Variants in UNC79 observed in about 807,000 individuals in gnomAD.
The protein encoded by UNC79 is unc-79 subunit of NALCN channel complex.
In UNC79, 37 loss-of-function variants were observed where a neutral mutation model predicts 283.1. The observed-to-expected ratio is 0.13, with a 90% CI of 0.10 to 0.17. The LOEUF (loss-of-function observed/expected upper bound fraction) is 0.17, where lower values mean the gene tolerates loss of function less well. UNC79 is among the 10% of genes least tolerant of loss of function. The pLI, the probability that UNC79 is intolerant of heterozygous loss-of-function variation, is 1.00. For synonymous variants in UNC79, 1,107 were observed against 1,200.2 expected, an observed-to-expected ratio of 0.92 and a Z score of 1.61; for missense variants, 2,272 against 3,211.1, an observed-to-expected ratio of 0.71 and a Z score of 7.07.
intron 1 of UNC79, among the ~76,000 whole-genome samples, chr14:93,444,448 A>AT (rs931889344): frequency 6.6e-6 from 1 of 151,738 alleles, no homozygotes; most frequent in African/African-American, 2.4e-5. Context: ...CCCATTTTCA[A>AT]TTTTTTTTCT....
At chr14:93,662,036 A>G (rs1191620254) in intron 39 of UNC79, among the ~76,000 whole-genome samples, 2 of 152,236 alleles carry the variant, frequency 1.3e-5, no homozygotes, top group Non-Finnish European at 2.9e-5. Flanking sequence ...AAATGACTTA[A>G]GAAAGCATAT....
At chr14:93,695,422 G>A (rs2075021202) in intron 47 of UNC79, among the ~76,000 whole-genome samples, 1 of 152,170 alleles carries the variant, frequency 6.6e-6, no homozygotes, top group Non-Finnish European at 1.5e-5. Context: ...GGTTCAAATG[G>A]GTTAGATATA....
intron 8 of UNC79, among the ~76,000 whole-genome samples, chr14:93,525,206 A>G (rs1044750542): frequency 6.6e-6 from 1 of 152,172 alleles, no homozygotes; most frequent in Non-Finnish European, 1.5e-5. Context: ...GCACTTTCAG[A>G]GGCCGAGGCG....
chr14:93,456,519 G>C lies in UNC79; in HGVS notation c.23-11152G>C, dbSNP rs1221386518. ...TGTGGCTCTAATCCAACAGAGGAAG[G>C]GAATCTGACTCATTCTGAATAGAAT... On this transcript the variant is annotated intron_variant, in intron 1 of 48. Coordinates refer to ENST00000555664, the Ensembl canonical transcript of UNC79. 1.1e-4 allele frequency among the ~76,000 whole-genome samples: 16 copies of C among 152,058 alleles called. 1 individual carries two copies. The highest frequency in any genetic ancestry group is 1.8e-4 in the Non-Finnish European group (12 of 68,010).
At chr14:93,634,433 G>GCT in intron 31 of UNC79, 88 bp from the exon 34 acceptor site, 1 of 951,240 alleles carries the variant, frequency 1.1e-6, no homozygotes, top group Non-Finnish European at 1.6e-6. Flanking sequence ...CAAATGAAGG[G>GCT]TCAATTAAAA....
intron 9 of UNC79, among the ~76,000 whole-genome samples, chr14:93,528,900 A>C (rs575051386): frequency 6.6e-6 from 1 of 152,322 alleles, no homozygotes; most frequent in East Asian, 1.9e-4. Flanking sequence ...CCAATTTTGG[A>C]GTAACCCTGT....
rs2074612776 is a variant in UNC79, at chr14:93,690,670, A to G, written c.7272+367A>G. The G allele has an allele frequency of 9.6e-6, 2 of 208,084 alleles. No homozygotes were observed. The highest frequency in any genetic ancestry group is 2.2e-4 in the South Asian group (2 of 9,006). 12.9% of individuals were successfully genotyped at this position (208,084 alleles called of 1,614,324 possible). A position where few individuals can be genotyped will look rare whatever the true frequency, so the allele number is the denominator to read the frequency against. ...CAAAACAAAGGAAAATTCATTCTCT[A>G]TCTAATTCTTCATGTACCATCTTTT... On this transcript the variant is annotated intron_variant, in intron 45 of 48. Transcript: ENST00000555664. The surrounding 1 kb of genome is among the most constrained non-coding windows in gnomAD (Gnocchi z 4.3).
chr14:93,590,293 T>C (rs2064563679), intron 22 of UNC79, among the ~76,000 whole-genome samples: 1 of 152,104 alleles, frequency 6.6e-6, no homozygotes, highest in Admixed American at 6.6e-5. Flanking sequence ...GGAGGATCTA[T>C]AGAAGTTTCT....
chr14:93,704,498 C>A (rs2075738001), intron 47 of UNC79, 127 bp from the exon 51 acceptor site: 1 of 1,079,922 alleles, frequency 9.3e-7, no homozygotes, highest in South Asian at 1.3e-5. Flanking sequence ...GGTAGCCCTG[C>A]AGCAGGGCCC....
chr14:93,496,731 C>T (rs1172937618), intron 6 of UNC79, among the ~76,000 whole-genome samples: 2 of 152,070 alleles, frequency 1.3e-5, no homozygotes, highest in African/African-American at 2.4e-5. Flanking sequence ...TATGTTATGA[C>T]AAACAATTTT....
chr14:93,670,777 C>G (rs2072764689), intron 40 of UNC79, among the ~76,000 whole-genome samples: 1 of 152,202 alleles, frequency 6.6e-6, no homozygotes, highest in Non-Finnish European at 1.5e-5. Flanking sequence ...GTGCCTTGGT[C>G]TTTCAGATGA....
chr14:93,450,128 G>T (rs1036944764), intron 1 of UNC79, among the ~76,000 whole-genome samples: 1 of 152,164 alleles, frequency 6.6e-6, no homozygotes, highest in Non-Finnish European at 1.5e-5. Flanking sequence ...CAGTGCTGTT[G>T]TGTAGGCCGG....
chr14:93,476,545 T>A (rs1048376542), intron 3 of UNC79, among the ~76,000 whole-genome samples: 2 of 152,196 alleles, frequency 1.3e-5, no homozygotes, highest in Non-Finnish European at 2.9e-5. Flanking sequence ...TTAGCTGATG[T>A]GCCTGTTAAG....
Position 93,641,012 on chromosome 14 carries a change from A to G in UNC79, c.5801-133A>G, listed in dbSNP as rs545767528. ...CATTTCATGATTGAGGGCTTTCTGC[A>G]GTACAGTTGGGATGTCCAAGTTGTA... On this transcript the variant is annotated intron_variant, in intron 32 of 48. Coordinates refer to ENST00000555664, the Ensembl canonical transcript of UNC79. 24 of 610,378 alleles carry G rather than the reference A, an allele frequency of 3.9e-5. No individual in the cohort carries two copies. The East Asian group carries it at 4.8e-4, about 12-fold the overall frequency. The allele number at this position is 610,378 out of a possible 1,614,324, so 37.8% of individuals were successfully genotyped here.
At chr14:93,441,919 G>A (rs1305539605) in intron 1 of UNC79, among the ~76,000 whole-genome samples, 1 of 152,068 alleles carries the variant, frequency 6.6e-6, no homozygotes, top group Non-Finnish European at 1.5e-5. Flanking sequence ...CCTTTAGGAA[G>A]GGCTTACAGA....
intron 14 of UNC79, among the ~76,000 whole-genome samples, chr14:93,544,820 C>G (rs2061524776): frequency 6.6e-6 from 1 of 152,174 alleles, no homozygotes; most frequent in African/African-American, 2.4e-5. Context: ...GGTCTTGAAG[C>G]ATGTTTAGAC....
At chr14:93,512,650 T>A (rs1375620631) in intron 7 of UNC79, among the ~76,000 whole-genome samples, 3 of 152,166 alleles carry the variant, frequency 2.0e-5, no homozygotes, top group Non-Finnish European at 2.9e-5. Context: ...CAATATTTTT[T>A]AAAAGTCCAG....
At chr14:93,556,855 T>C (rs2062206299) in intron 14 of UNC79, among the ~76,000 whole-genome samples, 1 of 152,196 alleles carries the variant, frequency 6.6e-6, no homozygotes, top group Non-Finnish European at 1.5e-5. Flanking sequence ...TTCCAGACCA[T>C]TGCCTGGCTG....
intron 39 of UNC79, among the ~76,000 whole-genome samples, chr14:93,662,212 G>A (rs1179233475): frequency 6.6e-6 from 1 of 152,112 alleles, no homozygotes; most frequent in African/African-American, 2.4e-5. Context: ...TAACCCAGAA[G>A]ACAGGCTTCC....
Sources: allele counts gnomAD v4.1 joint callset (sites outside exome capture counted in the v4.1 genomes callset), GRCh38; gene constraint gnomAD v4.1.1; non-coding constraint Gnocchi (gnomAD v3.1); transcripts MANE v1.5; gene names NCBI Gene and HGNC (gene_info 2026-07-23, HGNC 2026-07-21).